Variants in NPSR1 observed in about 807,000 individuals in gnomAD.
NPSR1 encodes neuropeptide S receptor.
In NPSR1, 48 loss-of-function variants were observed where a neutral mutation model predicts 46.9. The ratio of observed to expected loss-of-function variants is 1.02; its 90% CI spans 0.81 to 1.30. NPSR1 has a LOEUF of 1.30. Ranked by LOEUF, NPSR1 falls within the 50% of genes most tolerant of loss-of-function variation. The pLI is 0.00. For missense variants in NPSR1, 450 were observed against 449.5 expected, an observed-to-expected ratio of 1.00 and a Z score of -0.01; for synonymous variants, 176 against 168.1, an observed-to-expected ratio of 1.05 and a Z score of -0.36.
At chr7:34,805,672 T>G (rs200205776) in intron 3 of NPSR1, among the ~76,000 whole-genome samples, 2 of 151,848 alleles carry the variant, frequency 1.3e-5, no homozygotes, top group Admixed American at 6.6e-5. Context: ...GCATAATCCA[T>G]GAAAAATGAT....
intron 3 of NPSR1, among the ~76,000 whole-genome samples, chr7:34,791,051 TTA>T (rs376576279): frequency 3.2e-4 from 36 of 113,876 alleles, no homozygotes; most frequent in Non-Finnish European, 4.4e-4. Context: ...ATTATATATG[TTA>T]TATGTTATAT....
chr7:34,840,147 A>T (rs1554338587), intron 6 of NPSR1, among the ~76,000 whole-genome samples: 1 of 152,148 alleles, frequency 6.6e-6, no homozygotes, highest in Non-Finnish European at 1.5e-5. Flanking sequence ...ACCTCCTGAA[A>T]GGGAATGCAA....
At chr7:34,822,637 C>A (rs977738721) in intron 4 of NPSR1, among the ~76,000 whole-genome samples, 4 of 152,050 alleles carry the variant, frequency 2.6e-5, no homozygotes, top group African/African-American at 9.7e-5. Flanking sequence ...ACATATAAAT[C>A]ATACAAAATT....
chr7:34,766,120 A>G (rs1562712193), intron 2 of NPSR1, among the ~76,000 whole-genome samples: 1 of 152,258 alleles, frequency 6.6e-6, no homozygotes, highest in Non-Finnish European at 1.5e-5. Flanking sequence ...TAGTCATTAG[A>G]GAAATGAAAA....
chr7:34,792,528 T>C (rs1016278506), intron 3 of NPSR1, among the ~76,000 whole-genome samples: 7 of 142,826 alleles, frequency 4.9e-5, no homozygotes, highest in East Asian at 2.0e-4. Context: ...TATATATATA[T>C]GTACATATAT....
chr7:34,666,054 G>C (rs1210348903), intron 1 of NPSR1, among the ~76,000 whole-genome samples: 1 of 152,346 alleles, frequency 6.6e-6, no homozygotes, highest in African/African-American at 2.4e-5. Context: ...AAGCTCATGT[G>C]AATGAATTTG....
At chr7:34,719,759 ACT>A (rs1783755133) in intron 2 of NPSR1, 1 of 151,974 alleles carries the variant, frequency 6.6e-6, no homozygotes, top group Non-Finnish European at 1.5e-5. Flanking sequence ...CCAGTTCGAG[ACT>A]CTGTCTGGCT....
At chr7:34,857,870 T>C (rs541946882) in intron 8 of NPSR1, among the ~76,000 whole-genome samples, 2 of 151,476 alleles carry the variant, frequency 1.3e-5, no homozygotes, top group Non-Finnish European at 2.9e-5. Context: ...TAAAAGACAG[T>C]AGAAGACATA....
intron 3 of NPSR1, among the ~76,000 whole-genome samples, chr7:34,795,310 A>G (rs1291755093): frequency 6.6e-6 from 1 of 152,194 alleles, no homozygotes; most frequent in Non-Finnish European, 1.5e-5. Flanking sequence ...TTCATCTGAC[A>G]TCTTATTTAA....
chr7:34,702,202 C>T (rs542681687), intron 2 of NPSR1, among the ~76,000 whole-genome samples: 3 of 152,116 alleles, frequency 2.0e-5, no homozygotes, highest in African/African-American at 7.2e-5. Context: ...TTCTAGCCAG[C>T]AGGAAGGAAG....
At chr7:34,696,337 G>A (rs563605413) in intron 2 of NPSR1, among the ~76,000 whole-genome samples, 147 of 152,144 alleles carry the variant, frequency 9.7e-4, no homozygotes, top group African/African-American at 3.5e-3. Context: ...GTGAATAAGA[G>A]TTGAAAAGTT....
intron 8 of NPSR1, among the ~76,000 whole-genome samples, chr7:34,874,512 C>T (rs1791532569): frequency 6.6e-6 from 1 of 152,094 alleles, no homozygotes; most frequent in Non-Finnish European, 1.5e-5. Flanking sequence ...CCAGGTCCTA[C>T]CCCTGGAATT....
chr7:34,798,311 G>T (rs1254406023), intron 3 of NPSR1, among the ~76,000 whole-genome samples: 1 of 152,158 alleles, frequency 6.6e-6, no homozygotes, highest in East Asian at 1.9e-4. Context: ...GAGGCAGGTG[G>T]ATCACTTGAG....
At chr7:34,865,691 CA>C (rs1281470023) in intron 8 of NPSR1, among the ~76,000 whole-genome samples, 2 of 151,658 alleles carry the variant, frequency 1.3e-5, no homozygotes, top group African/African-American at 4.9e-5. Flanking sequence ...AGGTATAAGA[CA>C]GAGGGGCACT....
chr7:34,853,119 T>C (rs1790972788), downstream of NPSR1, among the ~76,000 whole-genome samples: 1 of 152,182 alleles, frequency 6.6e-6, no homozygotes, highest in Non-Finnish European at 1.5e-5. Context: ...AACACGCAGC[T>C]TAAACTTCCT....
intron 2 of NPSR1, among the ~76,000 whole-genome samples, chr7:34,747,137 A>C (rs896492496): frequency 4.6e-5 from 7 of 151,362 alleles, no homozygotes; most frequent in Non-Finnish European, 8.8e-5. Context: ...AACAAAAAAA[A>C]AAAAAAAAAA....
intron 2 of NPSR1, among the ~76,000 whole-genome samples, chr7:34,762,919 A>G (rs1465399505): frequency 2.0e-5 from 3 of 152,200 alleles, no homozygotes; most frequent in Non-Finnish European, 4.4e-5. Flanking sequence ...TCATTATTCT[A>G]TGGCTCTGCT....
chr7:34,842,163 G>A (rs1434949634), intron 6 of NPSR1, among the ~76,000 whole-genome samples: 1 of 152,188 alleles, frequency 6.6e-6, no homozygotes, highest in East Asian at 1.9e-4. Flanking sequence ...AATCTTCAAA[G>A]TAACTCTGTG....
At chr7:34,729,407 C>T (rs960007775) in intron 2 of NPSR1, among the ~76,000 whole-genome samples, 1 of 151,984 alleles carries the variant, frequency 6.6e-6, no homozygotes, top group Admixed American at 6.6e-5. Flanking sequence ...TGAGAAAAAT[C>T]AAAAAGATCA....
Sources: gnomAD v4.1 joint callset for allele counts (sites outside exome capture counted in the v4.1 genomes callset) on GRCh38, gnomAD v4.1.1 for gene constraint, MANE v1.5 for transcripts, NCBI Gene and HGNC (gene_info 2026-07-23, HGNC 2026-07-21) for gene names.